Variants in FNDC3B observed in about 807,000 individuals in gnomAD.
The protein encoded by FNDC3B is fibronectin type III domain-containing protein 3B.
In FNDC3B, 12 loss-of-function variants were observed where a neutral mutation model predicts 151.5. That is an observed-to-expected ratio of 0.08 (90% confidence interval 0.05 to 0.13). The LOEUF (loss-of-function observed/expected upper bound fraction) is 0.13, where lower values mean the gene tolerates loss of function less well. Among genes scored for constraint, FNDC3B ranks in the 10% least tolerant of loss-of-function variants. The probability of loss-of-function intolerance (pLI) is 1.00; values close to 1 mark genes in which losing one functional copy is unlikely to be tolerated. For synonymous variants in FNDC3B, 528 were observed against 549.0 expected, an observed-to-expected ratio of 0.96 and a Z score of 0.54; for missense variants, 1,214 against 1,505.3, an observed-to-expected ratio of 0.81 and a Z score of 3.20.
intron 1 of FNDC3B, among the ~76,000 whole-genome samples, chr3:172,072,242 A>G (rs1302023492): frequency 6.6e-6 from 1 of 150,894 alleles, no homozygotes; most frequent in Non-Finnish European, 1.5e-5. Flanking sequence ...TTTAATTTTA[A>G]GTAATTTAAA....
chr3:172,356,820 T>C (rs1458922743), intron 22 of FNDC3B, among the ~76,000 whole-genome samples: 1 of 152,168 alleles, frequency 6.6e-6, no homozygotes, highest in Non-Finnish European at 1.5e-5. Flanking sequence ...AGGGGTGTTG[T>C]AAAAGCCAGC....
rs550062321 is a variant in FNDC3B at position 172,135,181 on chromosome 3, T to C, written c.187+1635T>C. 4.6e-5 allele frequency among the ~76,000 whole-genome samples: 7 copies of C among 152,248 alleles called. No individual in the cohort carries two copies. In the East Asian group the frequency reaches 9.6e-4, roughly 21 times the overall value. On this transcript the variant is annotated intron_variant, in intron 3 of 25. Transcript: ENST00000415807. ...AATAGAATCTATAAAAGCAAATCAC[T>C]TAGTGGATGAACATGCATTAAAATC...
At chr3:172,282,831 AG>A in intron 6 of FNDC3B, among the ~76,000 whole-genome samples, 1 of 152,364 alleles carries the variant, frequency 6.6e-6, no homozygotes, top group East Asian at 1.9e-4. Flanking sequence ...ACCATGTATT[AG>A]ACTTGTGGCC....
intron 1 of FNDC3B, among the ~76,000 whole-genome samples, chr3:172,099,610 A>G (rs1384023174): frequency 6.6e-6 from 1 of 152,204 alleles, no homozygotes; most frequent in African/African-American, 2.4e-5. Context: ...TGACAGCCCC[A>G]GCAGGAAGTA....
intron 2 of FNDC3B, among the ~76,000 whole-genome samples, chr3:172,116,869 T>G (rs1303015980): frequency 6.6e-6 from 1 of 152,190 alleles, no homozygotes; most frequent in Non-Finnish European, 1.5e-5. Flanking sequence ...CCCGGTTCAC[T>G]CAACACATTT....
At chr3:172,394,649 C>T (rs1736186404) in intron 25 of FNDC3B, among the ~76,000 whole-genome samples, 1 of 152,120 alleles carries the variant, frequency 6.6e-6, no homozygotes, top group Non-Finnish European at 1.5e-5. Flanking sequence ...TGAACTCTAC[C>T]AAATATTTAA....
intron 14 of FNDC3B, 70 bp from the exon 15 acceptor site, chr3:172,334,874 A>G (rs2108295132): frequency 6.7e-7 from 1 of 1,485,872 alleles, no homozygotes; most frequent in Non-Finnish European, 9.2e-7. Flanking sequence ...TCACCATGTT[A>G]AAAAGTGACC....
chr3:172,240,218 G>A (rs1031187127), intron 4 of FNDC3B, among the ~76,000 whole-genome samples: 2 of 152,022 alleles, frequency 1.3e-5, no homozygotes, highest in African/African-American at 2.4e-5. Flanking sequence ...ACCCAGTTCC[G>A]TGTCCTTGAG....
chr3:172,067,976 C>T (rs992843861), intron 1 of FNDC3B, among the ~76,000 whole-genome samples: 39 of 152,300 alleles, frequency 2.6e-4, no homozygotes, highest in African/African-American at 7.7e-4. Context: ...TACATGGCCT[C>T]CCTGTGTCTC....
At chr3:172,359,867 C>T (rs1734283997) in intron 22 of FNDC3B, among the ~76,000 whole-genome samples, 1 of 152,148 alleles carries the variant, frequency 6.6e-6, no homozygotes, top group African/African-American at 2.4e-5. Flanking sequence ...GGAGTTTTTG[C>T]TCTGCTTTAT....
chr3:172,122,867 T>C (rs1720618913), intron 2 of FNDC3B, among the ~76,000 whole-genome samples: 1 of 152,230 alleles, frequency 6.6e-6, no homozygotes, highest in Non-Finnish European at 1.5e-5. Context: ...AATTGTGGTC[T>C]AGTTTTGGGT....
At chr3:172,200,645 G>T (rs1164038235) in intron 3 of FNDC3B, among the ~76,000 whole-genome samples, 3 of 152,188 alleles carry the variant, frequency 2.0e-5, no homozygotes, top group African/African-American at 7.2e-5. Context: ...ATGATGTTTG[G>T]TAGGTTAGGT....
At chr3:172,080,988 A>G (rs1353898486) in intron 1 of FNDC3B, among the ~76,000 whole-genome samples, 1 of 152,246 alleles carries the variant, frequency 6.6e-6, no homozygotes, top group Non-Finnish European at 1.5e-5. Flanking sequence ...TTAAAAATTG[A>G]TTAACTGACC....
chr3:172,270,138 T>G (rs1021528883), intron 6 of FNDC3B, among the ~76,000 whole-genome samples: 14 of 152,222 alleles, frequency 9.2e-5, no homozygotes, highest in African/African-American at 3.4e-4. Context: ...TTTCCTAAAT[T>G]TCCAATGTTA....
intron 3 of FNDC3B, among the ~76,000 whole-genome samples, chr3:172,202,431 G>A (rs1166845401): frequency 6.6e-6 from 1 of 151,416 alleles, no homozygotes; most frequent in African/African-American, 2.4e-5. Context: ...ATTTCCTTTT[G>A]TGTATTCTAC....
At position 172,360,647 on chromosome 3, in the gene FNDC3B, T is replaced by A. The variant is rs1288891175; in HGVS notation, c.2796-1986T>A. Among the ~76,000 whole-genome samples the A allele has an allele frequency of 1.2e-4, 18 of 152,330 alleles. No individual in the cohort carries two copies. In the East Asian group the frequency reaches 3.5e-3, roughly 29 times the overall value. ...GAAGCTGAGGTTTATTTTCCTCCTATTGATATCCAATTATTTCAACACCAT... is the reference window on the plus strand; with the variant it reads ...GAAGCTGAGGTTTATTTTCCTCCTAATGATATCCAATTATTTCAACACCAT... On this transcript the variant is annotated intron_variant, in intron 22 of 25. Coordinates refer to ENST00000415807, the MANE Select transcript of FNDC3B (RefSeq NM_022763.4).
At chr3:172,102,543 A>G (rs1164038283) in intron 1 of FNDC3B, among the ~76,000 whole-genome samples, 1 of 152,248 alleles carries the variant, frequency 6.6e-6, no homozygotes, top group Non-Finnish European at 1.5e-5. Context: ...TCTGGAAGTC[A>G]TGTACTTAAG....
intron 2 of FNDC3B, among the ~76,000 whole-genome samples, chr3:172,126,091 T>G (rs139330908): frequency 5.3e-5 from 8 of 152,272 alleles, no homozygotes; most frequent in Admixed American, 5.2e-4. Flanking sequence ...AAGACATATT[T>G]AGTCACTGTA....
At chr3:172,044,998 A>T (rs1018606753) in intron 1 of FNDC3B, among the ~76,000 whole-genome samples, 3 of 152,168 alleles carry the variant, frequency 2.0e-5, no homozygotes, top group Admixed American at 6.5e-5. Context: ...TCCTCATTTT[A>T]ATATAAGGAG....
Sources: gnomAD v4.1 joint callset for allele counts (sites outside exome capture counted in the v4.1 genomes callset) on GRCh38, gnomAD v4.1.1 for gene constraint, MANE v1.5 for transcripts, NCBI Gene and HGNC (gene_info 2026-07-23, HGNC 2026-07-21) for gene names.